Variants in TENM4 observed in about 807,000 individuals in gnomAD.
The protein encoded by TENM4 is teneurin transmembrane protein 4.
Under a neutral mutation model 243.3 loss-of-function variants are expected in TENM4, and 82 were observed. That is an observed-to-expected ratio of 0.34 (90% confidence interval 0.28 to 0.40). The LOEUF is 0.40. Among genes scored for constraint, TENM4 ranks in the 10% least tolerant of loss-of-function variants. The pLI, the probability that TENM4 is intolerant of heterozygous loss-of-function variation, is 1.00. For missense variants in TENM4, 3,138 were observed against 3,673.3 expected (o/e 0.85, Z 3.77); for synonymous variants, 1,412 against 1,456.3 (o/e 0.97, Z 0.69).
At chr11:78,784,136 T>A (rs1856890109) in intron 16 of TENM4, among the ~76,000 whole-genome samples, 1 of 152,226 alleles carries the variant, frequency 6.6e-6, no homozygotes. Context: ...AATGACCTAT[T>A]GTATGATAAT....
At chr11:79,391,631 T>A (rs902285795) in intron 1 of TENM4, among the ~76,000 whole-genome samples, 1 of 152,220 alleles carries the variant, frequency 6.6e-6, no homozygotes, top group Admixed American at 6.5e-5. Flanking sequence ...AAACCTGACA[T>A]GAAGTAATGT....
chr11:79,069,190 T>G (rs1860343222), intron 5 of TENM4, among the ~76,000 whole-genome samples: 1 of 152,192 alleles, frequency 6.6e-6, no homozygotes, highest in Non-Finnish European at 1.5e-5. Flanking sequence ...TAAGTTTTCA[T>G]GTCTAACCAT....
rs193079499 is a variant in TENM4, at chr11:79,199,419, G to A, written c.-163+16389C>T. ...ATAAGAATAATAATGTCCCTGACTC[G>A]GAATGTGAAGATTGAATGAGAAGGC... On this transcript the variant is annotated intron_variant, in intron 3 of 33. Transcript: ENST00000278550. 2.3e-3 allele frequency among the ~76,000 whole-genome samples: 343 copies of A among 152,286 alleles called. 2 individuals are homozygous for A. The highest frequency in any genetic ancestry group is 3.9e-3 in the Admixed American group (59 of 15,300).
chr11:78,751,309 C>A (rs1305708808), intron 19 of TENM4, among the ~76,000 whole-genome samples: 1 of 152,182 alleles, frequency 6.6e-6, no homozygotes, highest in East Asian at 1.9e-4. Flanking sequence ...GTCACCCATC[C>A]TTCCTTTTGC....
intron 16 of TENM4, among the ~76,000 whole-genome samples, chr11:78,782,723 G>A (rs1314221483): frequency 1.3e-5 from 2 of 151,834 alleles, no homozygotes; most frequent in Non-Finnish European, 2.9e-5. Flanking sequence ...CCGAGGTGGT[G>A]CCACTGTACT....
chr11:78,923,693 C>CTTTTTTTTT (rs1172776088), intron 6 of TENM4, among the ~76,000 whole-genome samples: 1 of 53,674 alleles, frequency 1.9e-5, no homozygotes, highest in African/African-American at 7.3e-5. Context: ...ATGCACCTGG[C>CTTTTTTTTT]TTTTTTTTTT....
chr11:78,867,897 A>G (rs1859023323), intron 9 of TENM4, among the ~76,000 whole-genome samples: 1 of 152,142 alleles, frequency 6.6e-6, no homozygotes, highest in Non-Finnish European at 1.5e-5. Context: ...CTTCTTTTAT[A>G]TATTTTATTT....
chr11:78,828,817 T>TTATAGAACC (rs1394895524), intron 12 of TENM4, among the ~76,000 whole-genome samples: 21 of 152,232 alleles, frequency 1.4e-4, no homozygotes, highest in Non-Finnish European at 2.9e-4. Context: ...TGTGAAAACT[T>TTATAGAACC]TATAGAACCT....
intron 2 of TENM4, among the ~76,000 whole-genome samples, chr11:79,221,829 G>GT (rs985344995): frequency 3.9e-5 from 6 of 152,032 alleles, no homozygotes; most frequent in Middle Eastern, 3.4e-3. Flanking sequence ...AGGTTTTGTT[G>GT]TTTTTTTTCT....
intron 29 of TENM4, among the ~76,000 whole-genome samples, chr11:78,684,828 T>C (rs1858627052): frequency 6.6e-6 from 1 of 152,184 alleles, no homozygotes; most frequent in Admixed American, 6.5e-5. Context: ...ATGCTGAAAA[T>C]ATGCTTTGCA....
Position 78,673,509 on chromosome 11 carries a change from TA to T in TENM4, c.5497-1181del, listed in dbSNP as rs558791270. 2.6e-5 allele frequency among the ~76,000 whole-genome samples: 4 copies of T among 151,530 alleles called. No individual in the cohort carries two copies. The South Asian group carries it at 8.4e-4, about 32-fold the overall frequency. On this transcript the variant is annotated intron_variant, in intron 30 of 33. Coordinates refer to ENST00000278550, the MANE Select transcript of TENM4 (RefSeq NM_001098816.3). ...AAGGCCCTCTGGATCCCTGTGTGGT[TA>T]AAAAAAAATGGGTGCAGGTCTAGGA... is the stretch of plus-strand genomic sequence containing the variant.
intron 29 of TENM4, among the ~76,000 whole-genome samples, 187 bp from the exon 30 acceptor site, chr11:78,676,574 A>C (rs1387894227): frequency 6.6e-6 from 1 of 152,154 alleles, no homozygotes; most frequent in Non-Finnish European, 1.5e-5. Context: ...TCCAAAGAAA[A>C]CCATTGTAAA....
intron 4 of TENM4, among the ~76,000 whole-genome samples, chr11:79,095,410 C>T (rs546804833): frequency 6.6e-6 from 1 of 152,316 alleles, no homozygotes; most frequent in East Asian, 1.9e-4. Context: ...AAAGACAAAA[C>T]TTACAAGCCA....
Position 78,756,857 on chromosome 11 carries a change from C to T in TENM4, c.2704G>A (p.Val902Met), listed in dbSNP as rs547738962. 8.1e-6 allele frequency: 13 copies of T among 1,613,794 alleles called. No homozygotes were observed. In the East Asian group the frequency reaches 8.9e-5, roughly 11 times the overall value. The change falls in exon 19 of 34, where the codon GTG becomes ATG. Residue 902 changes from valine to methionine, a missense_variant. Physicochemically the swap from Val to Met is conservative, Grantham distance 21. Coordinates refer to ENST00000278550, the MANE Select transcript of TENM4 (RefSeq NM_001098816.3). ...HSFYDRIKFL[V>M]GRDSTHIIPG... ...ATTATGTGCGTGCTGTCCCTGCCCA[C>T]GAGGAACTTGATGCGGTCATAGAAG...
intron 3 of TENM4, among the ~76,000 whole-genome samples, chr11:79,159,860 C>G (rs1862704888): frequency 6.6e-6 from 1 of 152,158 alleles, no homozygotes; most frequent in Non-Finnish European, 1.5e-5. Context: ...ACCTGCTGGC[C>G]AAAGCTCATA....
chr11:79,058,835 G>C (rs188834489), intron 6 of TENM4, among the ~76,000 whole-genome samples: 48 of 152,258 alleles, frequency 3.2e-4, no homozygotes, highest in Admixed American at 5.2e-4. Context: ...ATCAAATGTG[G>C]GGCCCAATCC....
rs1856958362 is a variant in TENM4, at chr11:78,787,178, G to A, written c.2180-95C>T. On this transcript the variant is annotated intron_variant, in intron 15 of 33. Coordinates refer to ENST00000278550, the MANE Select transcript of TENM4 (RefSeq NM_001098816.3). ...GAGAGAGGAGAGAGAAAAACAACAAGTATTGAGCAAGTTATTGTTGGAAAC... is the reference window on the plus strand; with the variant it reads ...GAGAGAGGAGAGAGAAAAACAACAAATATTGAGCAAGTTATTGTTGGAAAC... 14 of 1,361,380 alleles carry A rather than the reference G, an allele frequency of 1.0e-5. No individual in the cohort carries two copies. The South Asian group carries it at 2.0e-4, about 19-fold the overall frequency. 84.3% of individuals were successfully genotyped at this position (1,361,380 alleles called of 1,614,324 possible).
At chr11:79,354,771 C>T (rs1341638287) in intron 1 of TENM4, among the ~76,000 whole-genome samples, 1 of 151,912 alleles carries the variant, frequency 6.6e-6, no homozygotes, top group Non-Finnish European at 1.5e-5. Flanking sequence ...ATTCTCCCTA[C>T]GTCATATGCA....
intron 9 of TENM4, among the ~76,000 whole-genome samples, chr11:78,876,726 T>C (rs1292285018): frequency 2.6e-5 from 4 of 152,216 alleles, no homozygotes; most frequent in African/African-American, 9.6e-5. Flanking sequence ...GACGCTAGCT[T>C]ATCTGGCTTT....
Sources: gnomAD v4.1 joint callset for allele counts (sites outside exome capture counted in the v4.1 genomes callset) on GRCh38, gnomAD v4.1.1 for gene constraint, MANE v1.5 for transcripts, NCBI Gene and HGNC (gene_info 2026-07-23, HGNC 2026-07-21) for gene names.